Variants in NKAIN2 observed in about 807,000 individuals in gnomAD.
NKAIN2 encodes sodium/potassium transporting ATPase interacting 2, also known as sodium/potassium-transporting ATPase subunit beta-1-interacting protein 2.
In NKAIN2, 14 loss-of-function variants were observed where a neutral mutation model predicts 32.6. That is an observed-to-expected ratio of 0.43 (90% CI 0.28 to 0.67). The LOEUF is 0.67. Ranked by LOEUF, NKAIN2 falls within the 30% of genes least tolerant of loss-of-function variation. NKAIN2 has a pLI of 0.17. For missense variants in NKAIN2, 198 were observed against 258.3 expected, an observed-to-expected ratio of 0.77 and a Z score of 1.60; for synonymous variants, 80 against 87.2, an observed-to-expected ratio of 0.92 and a Z score of 0.46.
chr6:123,998,208 A>G (rs570320892), intron 1 of NKAIN2, among the ~76,000 whole-genome samples: 2 of 152,334 alleles, frequency 1.3e-5, no homozygotes, highest in African/African-American at 4.8e-5. Context: ...GGATAAACAT[A>G]TTTAATACAG....
intron 3 of NKAIN2, among the ~76,000 whole-genome samples, chr6:124,552,713 G>A (rs1313109486): frequency 1.3e-5 from 2 of 152,150 alleles, no homozygotes; most frequent in African/African-American, 4.8e-5. Context: ...AAAGCTCTCA[G>A]AATCAATGTC....
chr6:124,810,507 T>C lies in NKAIN2; in HGVS notation c.536-7880T>C, dbSNP rs186429839. ...GTGGGGTGGGGGGAGCGGGAAGGGA[T>C]AGCATTGGGAGATATACCTAATGCT... On this transcript the variant is annotated intron_variant, in intron 5 of 6. Transcript: ENST00000368417. Among the ~76,000 whole-genome samples, 7 of 152,162 alleles carry C rather than the reference T, an allele frequency of 4.6e-5. No homozygotes were observed. In the East Asian group the frequency reaches 7.7e-4, roughly 17 times the overall value.
At chr6:124,576,533 C>T (rs1015675864) in intron 3 of NKAIN2, among the ~76,000 whole-genome samples, 5 of 152,064 alleles carry the variant, frequency 3.3e-5, no homozygotes, top group Non-Finnish European at 5.9e-5. Context: ...TATTAAGAAT[C>T]GTTTTATATT....
At chr6:124,775,505 A>G (rs1396908124) in intron 4 of NKAIN2, among the ~76,000 whole-genome samples, 1 of 152,200 alleles carries the variant, frequency 6.6e-6, no homozygotes, top group Non-Finnish European at 1.5e-5. Context: ...TTAATTATAT[A>G]GGAGATTTTG....
intron 2 of NKAIN2, among the ~76,000 whole-genome samples, chr6:124,337,977 A>T (rs1245991121): frequency 6.6e-6 from 1 of 152,178 alleles, no homozygotes; most frequent in Non-Finnish European, 1.5e-5. Context: ...GCATAGTATC[A>T]TTGTCTATGA....
intron 3 of NKAIN2, among the ~76,000 whole-genome samples, chr6:124,524,899 G>A (rs550229199): frequency 7.9e-5 from 12 of 152,090 alleles, no homozygotes; most frequent in African/African-American, 2.4e-4. Context: ...TATACCTTCC[G>A]TATATGTAGA....
At chr6:124,182,163 C>T (rs1462792527) in intron 1 of NKAIN2, among the ~76,000 whole-genome samples, 1 of 152,118 alleles carries the variant, frequency 6.6e-6, no homozygotes, top group African/African-American at 2.4e-5. Context: ...CTTTATAAAA[C>T]CATCGTATCT....
At chr6:124,604,251 A>C (rs1562279747) in intron 3 of NKAIN2, among the ~76,000 whole-genome samples, 1 of 152,018 alleles carries the variant, frequency 6.6e-6, no homozygotes, top group Non-Finnish European at 1.5e-5. Flanking sequence ...ACTACATTTT[A>C]AATTTTACCC....
At chr6:124,409,332 G>C (rs1169911204) in intron 3 of NKAIN2, among the ~76,000 whole-genome samples, 1 of 152,076 alleles carries the variant, frequency 6.6e-6, no homozygotes, top group African/African-American at 2.4e-5. Flanking sequence ...CTGTGGGTTT[G>C]TCATAGATAG....
chr6:124,265,170 C>T (rs1294223698), intron 1 of NKAIN2, among the ~76,000 whole-genome samples: 1 of 151,656 alleles, frequency 6.6e-6, no homozygotes, highest in Non-Finnish European at 1.5e-5. Flanking sequence ...TGACTTCATT[C>T]AAATATGTTA....
chr6:124,129,820 T>A (rs943541758), intron 1 of NKAIN2, among the ~76,000 whole-genome samples: 1 of 152,156 alleles, frequency 6.6e-6, no homozygotes, highest in African/African-American at 2.4e-5. Flanking sequence ...GATTTCACCA[T>A]GTTAGCCAGG....
intron 1 of NKAIN2, among the ~76,000 whole-genome samples, chr6:124,265,138 A>G (rs1425046937): frequency 6.6e-6 from 1 of 152,128 alleles, no homozygotes; most frequent in Non-Finnish European, 1.5e-5. Flanking sequence ...ATTGAGACCT[A>G]TAGCATTTGT....
At chr6:124,060,583 G>A (rs1782877476) in intron 1 of NKAIN2, among the ~76,000 whole-genome samples, 1 of 152,112 alleles carries the variant, frequency 6.6e-6, no homozygotes, top group Non-Finnish European at 1.5e-5. Context: ...CTGGAACACC[G>A]TTCGCCAAAA....
chr6:124,644,048 A>G (rs1048430035), intron 3 of NKAIN2, among the ~76,000 whole-genome samples: 5 of 152,154 alleles, frequency 3.3e-5, no homozygotes, highest in African/African-American at 9.7e-5. Flanking sequence ...TTATTTGTTG[A>G]GCAATTAGGC....
intron 3 of NKAIN2, among the ~76,000 whole-genome samples, chr6:124,645,982 A>G (rs1364683877): frequency 1.3e-5 from 2 of 152,030 alleles, no homozygotes; most frequent in African/African-American, 4.8e-5. Flanking sequence ...ACTTGAATTT[A>G]TTTTCCTTAT....
chr6:124,612,937 T>C (rs183938671), intron 3 of NKAIN2, among the ~76,000 whole-genome samples: 2 of 152,230 alleles, frequency 1.3e-5, no homozygotes, highest in East Asian at 3.9e-4. Flanking sequence ...GGAAATAAGA[T>C]AGTCTTTTGG....
At chr6:124,034,588 C>A (rs1481672225) in intron 1 of NKAIN2, among the ~76,000 whole-genome samples, 1 of 152,054 alleles carries the variant, frequency 6.6e-6, no homozygotes, top group African/African-American at 2.4e-5. Context: ...CTCACAAATG[C>A]AGATGTCTTT....
chr6:124,230,893 T>TG (rs1421653779), intron 1 of NKAIN2, among the ~76,000 whole-genome samples: 1 of 152,204 alleles, frequency 6.6e-6, no homozygotes, highest in African/African-American at 2.4e-5. Context: ...GAGTCCCTAC[T>TG]GGGGCACCTC....
intron 2 of NKAIN2, among the ~76,000 whole-genome samples, chr6:124,342,658 C>T (rs1583079951): frequency 6.6e-6 from 1 of 151,662 alleles, no homozygotes; most frequent in African/African-American, 2.4e-5. Flanking sequence ...CAGGAACATG[C>T]CACCATGCCC....
Sources: gnomAD v4.1 joint callset for allele counts (sites outside exome capture counted in the v4.1 genomes callset) on GRCh38, gnomAD v4.1.1 for gene constraint, MANE v1.5 for transcripts, NCBI Gene and HGNC (gene_info 2026-07-23, HGNC 2026-07-21) for gene names.